Variants in NFIB observed in about 807,000 individuals in gnomAD.
The protein encoded by NFIB is nuclear factor 1 B-type.
NFIB carries 11 observed loss-of-function variants against 61.5 expected under a neutral mutation model. The observed-to-expected ratio is 0.18, with a 90% CI of 0.11 to 0.30. The LOEUF (loss-of-function observed/expected upper bound fraction) is 0.30. Ranked by LOEUF, NFIB falls within the 10% of genes least tolerant of loss-of-function variation. NFIB has a pLI of 1.00. For missense variants in NFIB, 471 were observed against 608.9 expected, an observed-to-expected ratio of 0.77 and a Z score of 2.38; for synonymous variants, 260 against 216.5, an observed-to-expected ratio of 1.20 and a Z score of -1.76.
Position 14,201,172 on chromosome 9 carries a change from T to A in NFIB, c.563-21392A>T, listed in dbSNP as rs150978037. On this transcript the variant is annotated intron_variant, in intron 2 of 10. Coordinates refer to ENST00000380953, the MANE Select transcript of NFIB (RefSeq NM_001190737.2). Reference sequence around the variant, plus strand: ...GGCCATTATGATTCACTCTTCACACTATAACCAGACTCCATCCTCTGCATA... The same window carrying A: ...GGCCATTATGATTCACTCTTCACACAATAACCAGACTCCATCCTCTGCATA... 5.5e-3 allele frequency among the ~76,000 whole-genome samples: 844 copies of A among 152,294 alleles called. 5 individuals carry two copies. The highest frequency in any genetic ancestry group is 0.011 in the Admixed American group (170 of 15,292).
the NFIB span, among the ~76,000 whole-genome samples, chr9:14,490,472 T>A: frequency 2.8e-4 from 43 of 152,308 alleles, no homozygotes; most frequent in South Asian, 8.3e-3. Flanking sequence ...CATTTGATTA[T>A]GTTAAACAGC....
At chr9:14,213,988 T>C (rs1418843014) in intron 2 of NFIB, among the ~76,000 whole-genome samples, 3 of 152,198 alleles carry the variant, frequency 2.0e-5, no homozygotes, top group Non-Finnish European at 4.4e-5. Flanking sequence ...CACATCATTT[T>C]ACTTAAGAAT....
the NFIB span, among the ~76,000 whole-genome samples, chr9:14,466,567 G>A: frequency 6.6e-5 from 10 of 152,074 alleles, no homozygotes; most frequent in South Asian, 2.1e-4. Context: ...GAAAACAGTC[G>A]GAAGCTAGGA....
chr9:14,469,406 C>A, the NFIB span, among the ~76,000 whole-genome samples: 2 of 152,146 alleles, frequency 1.3e-5, no homozygotes, highest in African/African-American at 4.8e-5. Context: ...GATTCGGAAC[C>A]CATCTCTGGA....
At chr9:14,135,472 T>C (rs2040935917) in intron 6 of NFIB, among the ~76,000 whole-genome samples, 1 of 152,190 alleles carries the variant, frequency 6.6e-6, no homozygotes. Flanking sequence ...TATCTAAATA[T>C]CTGTGTCTAA....
At chr9:14,318,114 G>A (rs568524642), upstream of NFIB, among the ~76,000 whole-genome samples, 1 of 152,096 alleles carries the variant, frequency 6.6e-6, no homozygotes, top group Non-Finnish European at 1.5e-5. Context: ...GCAGAAAGAA[G>A]TGAATGATTC....
At position 14,314,092 on chromosome 9, in the gene NFIB, T is replaced by A. The variant is rs980945408; in HGVS notation, c.-581A>T. On this transcript the variant is annotated 5_prime_UTR_variant, in exon 1 of 11. Transcript: ENST00000380953. ...CGGAGTGGTGATCGCAGGCGAAACT[T>A]TGCCGCGAGCCGACCATGTGTGTGC... The A allele has an allele frequency of 9.6e-7, 1 of 1,042,294 alleles. No homozygotes were observed. The highest frequency in any genetic ancestry group is 4.6e-5 in the South Asian group (1 of 21,650). The allele number at this position is 1,042,294 out of a possible 1,614,324, so 64.6% of individuals were successfully genotyped here.
the NFIB span, among the ~76,000 whole-genome samples, chr9:14,511,447 T>A: frequency 6.6e-6 from 1 of 152,328 alleles, no homozygotes; most frequent in Admixed American, 6.5e-5. Flanking sequence ...ATAATCATAA[T>A]GGCAACTATT....
intron 6 of NFIB, among the ~76,000 whole-genome samples, chr9:14,129,044 C>T (rs933777793): frequency 1.2e-4 from 18 of 151,922 alleles, no homozygotes; most frequent in African/African-American, 4.4e-4. Context: ...TGGGCATGCA[C>T]CTAATAATAA....
rs141101627 is a variant in NFIB at position 14,143,991 on chromosome 9, A to AGTGTGTGTGTGTGTGTGTGTGT, written c.925+2676_925+2697dup. The stretch of plus-strand genomic sequence containing the variant: ...AGGGTCTTCAGAATTAAAGTGACAG[A>AGTGTGTGTGTGTGTGTGTGTGT]GTGTGTGTGTGTGTGTGTGTGTGTG... On this transcript the variant is annotated intron_variant, in intron 6 of 10. Coordinates refer to ENST00000380953, the MANE Select transcript of NFIB (RefSeq NM_001190737.2). 4.9e-3 allele frequency among the ~76,000 whole-genome samples: 654 copies of AGTGTGTGTGTGTGTGTGTGTGT among 134,208 alleles called. 8 individuals carry two copies. Among genetic ancestry groups the AGTGTGTGTGTGTGTGTGTGTGT allele is most frequent in the South Asian group, 7.5e-3 (28 of 3,722 alleles). 88.0% of individuals were successfully genotyped at this position (134,208 alleles called of 152,430 possible).
At chr9:14,353,917 C>T (rs2061144831) in intron 1 of NFIB, among the ~76,000 whole-genome samples, 1 of 149,562 alleles carries the variant, frequency 6.7e-6, no homozygotes, top group African/African-American at 2.5e-5. Context: ...TAGAAGTAGC[C>T]TGGTGCAGTG....
chr9:14,207,353 T>C (rs1196394251), intron 2 of NFIB, among the ~76,000 whole-genome samples: 2 of 152,238 alleles, frequency 1.3e-5, no homozygotes, highest in Non-Finnish European at 2.9e-5. Flanking sequence ...TTTTTTCTAA[T>C]TTTTGACACA....
the NFIB span, among the ~76,000 whole-genome samples, chr9:14,413,054 G>A: frequency 6.6e-6 from 1 of 152,056 alleles, no homozygotes; most frequent in Admixed American, 6.5e-5. Flanking sequence ...AATATATGCG[G>A]GAGGCTTTCA....
chr9:14,081,945 T>A lies in NFIB; in HGVS notation c.*6364A>T, dbSNP rs1310125643. On this transcript the variant is annotated 3_prime_UTR_variant, in exon 11 of 11. Coordinates refer to ENST00000380953, the MANE Select transcript of NFIB (RefSeq NM_001190737.2). ...GCAGTATGAGCAGCTGCTAGCAGTA[T>A]AGGCTGGATATAACAGTAACAATCA... 4.9e-6 allele frequency: 1 copy of A among 203,560 alleles called. No homozygotes were observed. The highest frequency in any genetic ancestry group is 7.5e-5 in the East Asian group (1 of 13,314). 12.6% of individuals were successfully genotyped at this position (203,560 alleles called of 1,614,324 possible).
intron 1 of NFIB, among the ~76,000 whole-genome samples, chr9:14,342,163 G>A (rs952828581): frequency 6.6e-6 from 1 of 152,118 alleles, no homozygotes. Flanking sequence ...TATGGGTAAG[G>A]GTCTCTCTCA....
chr9:14,309,419 T>C (rs929242807), intron 1 of NFIB, among the ~76,000 whole-genome samples: 2 of 152,184 alleles, frequency 1.3e-5, no homozygotes, highest in South Asian at 2.1e-4. Flanking sequence ...AGAATAAGTA[T>C]GAATCAAAAT....
chr9:14,292,312 C>G (rs1003374657), intron 2 of NFIB, among the ~76,000 whole-genome samples: 25 of 152,090 alleles, frequency 1.6e-4, no homozygotes, highest in Non-Finnish European at 5.9e-5. Flanking sequence ...AAGTTAAAGA[C>G]CTCTTTCTTA....
the NFIB span, among the ~76,000 whole-genome samples, chr9:14,481,207 A>ATATATATC: frequency 4.7e-5 from 3 of 64,276 alleles, no homozygotes; most frequent in African/African-American, 1.6e-4. Context: ...GTATATATAT[A>ATATATATC]TATATATATA....
At chr9:14,379,985 ATT>A (rs140976750) in intron 1 of NFIB, among the ~76,000 whole-genome samples, 1 of 148,188 alleles carries the variant, frequency 6.7e-6, no homozygotes, top group African/African-American at 2.5e-5. Flanking sequence ...ACCCAGTCAG[ATT>A]TTTTTTTTTT....
Sources: allele counts gnomAD v4.1 joint callset (sites outside exome capture counted in the v4.1 genomes callset), GRCh38; gene constraint gnomAD v4.1.1; transcripts MANE v1.5; gene names NCBI Gene and HGNC (gene_info 2026-07-23, HGNC 2026-07-21).